CNTN5: variants seen among roughly 807,000 people sequenced by gnomAD.
The protein encoded by CNTN5 is contactin-5.
In CNTN5, 77 loss-of-function variants were observed where a neutral mutation model predicts 129.1. The observed-to-expected ratio is 0.60, with a 90% CI of 0.50 to 0.72. The LOEUF is 0.72. Ranked by LOEUF, CNTN5 falls within the 30% of genes least tolerant of loss-of-function variation. The pLI is 0.00. For synonymous variants in CNTN5, 509 were observed against 465.6 expected, an observed-to-expected ratio of 1.09 and a Z score of -1.20; for missense variants, 1,478 against 1,328.8, an observed-to-expected ratio of 1.11 and a Z score of -1.75.
At chr11:99,942,292 C>T (rs1950457169) in intron 7 of CNTN5, among the ~76,000 whole-genome samples, 1 of 151,724 alleles carries the variant, frequency 6.6e-6, no homozygotes, top group African/African-American at 2.4e-5. Flanking sequence ...AACATAGGAC[C>T]ACTACAAGAG....
intron 9 of CNTN5, among the ~76,000 whole-genome samples, chr11:100,057,279 A>G (rs1943275250): frequency 6.7e-6 from 1 of 148,608 alleles, no homozygotes. Flanking sequence ...GTATAAGAGG[A>G]ATTAGTAAAT....
At chr11:100,135,689 A>C (rs1349318910) in intron 13 of CNTN5, among the ~76,000 whole-genome samples, 1 of 152,146 alleles carries the variant, frequency 6.6e-6, no homozygotes, top group Non-Finnish European at 1.5e-5. Flanking sequence ...AATCACCATG[A>C]GTATTACTCT....
At chr11:100,297,336 T>G (rs1951118782) in intron 18 of CNTN5, among the ~76,000 whole-genome samples, 2 of 151,434 alleles carry the variant, frequency 1.3e-5, no homozygotes, top group Non-Finnish European at 3.0e-5. Context: ...AGGACAAAAT[T>G]TACCTAATCA....
At chr11:99,789,999 G>A (rs1043402469) in intron 3 of CNTN5, among the ~76,000 whole-genome samples, 17 of 151,786 alleles carry the variant, frequency 1.1e-4, no homozygotes, top group African/African-American at 3.4e-4. Context: ...CCAGTGTTTA[G>A]CTCCCACTTA....
chr11:100,288,140 C>T (rs199870797), intron 18 of CNTN5, among the ~76,000 whole-genome samples: 14,068 of 152,144 alleles, frequency 0.092, 949 homozygotes, highest in East Asian at 0.32. Flanking sequence ...GAGACTTAGA[C>T]TCCCACACAT....
chr11:100,061,163 T>C, intron 9 of CNTN5, 49 bp from the exon 10 acceptor site: 1 of 1,431,726 alleles, frequency 7.0e-7, no homozygotes. Flanking sequence ...AGAATCTATG[T>C]TCCTAACAGT....
intron 1 of CNTN5, among the ~76,000 whole-genome samples, chr11:99,308,325 T>C (rs114156286): frequency 0.011 from 1,675 of 152,274 alleles, 40 homozygotes; most frequent in African/African-American, 0.038. Flanking sequence ...AACAACATTA[T>C]ATTTGTTGTA....
intron 13 of CNTN5, among the ~76,000 whole-genome samples, chr11:100,128,035 T>C (rs1946251774): frequency 6.6e-6 from 1 of 152,122 alleles, no homozygotes; most frequent in South Asian, 2.1e-4. Context: ...ATATCCTTTC[T>C]GCAGATGATC....
chr11:100,219,759 A>T (rs1175836616), intron 15 of CNTN5, among the ~76,000 whole-genome samples: 1 of 152,190 alleles, frequency 6.6e-6, no homozygotes, highest in Non-Finnish European at 1.5e-5. Flanking sequence ...ATACACATAA[A>T]TGTTTTGTCA....
chr11:99,286,900 C>G (rs1863964113), intron 1 of CNTN5, among the ~76,000 whole-genome samples: 1 of 152,084 alleles, frequency 6.6e-6, no homozygotes, highest in Non-Finnish European at 1.5e-5. Context: ...ACTTGCAAAT[C>G]CTAACTAAGC....
At chr11:100,092,852 CT>C (rs1160264206) in intron 13 of CNTN5, among the ~76,000 whole-genome samples, 1 of 149,698 alleles carries the variant, frequency 6.7e-6, no homozygotes, top group Non-Finnish European at 1.5e-5. Flanking sequence ...CTTCTTTTCT[CT>C]TTGAGTTGGT....
chr11:100,056,143 A>G (rs12273433), intron 9 of CNTN5, among the ~76,000 whole-genome samples: 2,440 of 151,646 alleles, frequency 0.016, 73 homozygotes, highest in African/African-American at 0.056. Flanking sequence ...TAATCTGAAT[A>G]TTTACTTTTA....
At chr11:99,897,316 A>C (rs1006023793) in intron 6 of CNTN5, among the ~76,000 whole-genome samples, 2 of 152,178 alleles carry the variant, frequency 1.3e-5, no homozygotes, top group African/African-American at 4.8e-5. Context: ...GAGATAATAT[A>C]CAAGATAAAC....
chr11:99,272,410 A>G (rs1211237877), intron 1 of CNTN5, among the ~76,000 whole-genome samples: 1 of 151,794 alleles, frequency 6.6e-6, no homozygotes, highest in African/African-American at 2.4e-5. Context: ...AAGAAAAAAT[A>G]GTATTTTTAC....
chr11:99,389,961 T>C (rs2136184929), intron 2 of CNTN5, among the ~76,000 whole-genome samples: 1 of 152,312 alleles, frequency 6.6e-6, no homozygotes, highest in East Asian at 1.9e-4. Flanking sequence ...TTTATCATTC[T>C]CAACTCTTTG....
intron 3 of CNTN5, among the ~76,000 whole-genome samples, chr11:99,573,573 CA>C (rs1162876268): frequency 1.3e-5 from 1 of 77,960 alleles, no homozygotes. Flanking sequence ...GACTCCGTCT[CA>C]AAAAAAAATA....
chr11:99,250,312 T>G (rs1176505588), intron 1 of CNTN5, among the ~76,000 whole-genome samples: 1 of 152,116 alleles, frequency 6.6e-6, no homozygotes, highest in East Asian at 1.9e-4. Flanking sequence ...GTTGGAATCA[T>G]TTAGTCATTA....
chr11:99,707,507 G>C (rs575901030), intron 3 of CNTN5, among the ~76,000 whole-genome samples: 2 of 151,656 alleles, frequency 1.3e-5, no homozygotes, highest in Non-Finnish European at 3.0e-5. Context: ...AATTACACTG[G>C]AGTGAAGATA....
intron 1 of CNTN5, among the ~76,000 whole-genome samples, chr11:99,081,484 C>T (rs1865794877): frequency 1.3e-5 from 2 of 152,092 alleles, no homozygotes; most frequent in South Asian, 4.1e-4. Flanking sequence ...TAATCTGTAA[C>T]TTAGGAGAAA....
Sources: gnomAD v4.1 joint callset for allele counts (sites outside exome capture counted in the v4.1 genomes callset) on GRCh38, gnomAD v4.1.1 for gene constraint, MANE v1.5 for transcripts, NCBI Gene and HGNC (gene_info 2026-07-23, HGNC 2026-07-21) for gene names.